Variants in PHTF2 observed in about 807,000 individuals in gnomAD.
PHTF2 encodes protein PHTF2.
A neutral mutation model predicts 101.2 loss-of-function variants in PHTF2; 60 were observed. The observed-to-expected ratio is 0.59, with a 90% confidence interval of 0.48 to 0.73. PHTF2 has a LOEUF of 0.73. PHTF2 is among the 30% of genes least tolerant of loss of function. The pLI is 0.00. For missense variants in PHTF2, 747 were observed against 908.7 expected, an observed-to-expected ratio of 0.82 and a Z score of 2.29; for synonymous variants, 311 against 307.3, an observed-to-expected ratio of 1.01 and a Z score of -0.13.
intron 16 of PHTF2, among the ~76,000 whole-genome samples, chr7:77,944,840 A>C (rs1435678473): frequency 1.3e-5 from 2 of 151,742 alleles, no homozygotes; most frequent in African/African-American, 4.8e-5. Context: ...TTGACTTTTG[A>C]CTTGTTTTTT....
intron 7 of PHTF2, among the ~76,000 whole-genome samples, chr7:77,905,258 C>T (rs55975440): frequency 7.9e-5 from 12 of 152,156 alleles, no homozygotes; most frequent in Non-Finnish European, 1.6e-4. Flanking sequence ...TAGGGTTTTG[C>T]TTTGTTGCTC....
intron 1 of PHTF2, among the ~76,000 whole-genome samples, chr7:77,828,172 G>T (rs1359311834): frequency 6.6e-6 from 1 of 152,190 alleles, no homozygotes; most frequent in Non-Finnish European, 1.5e-5. Context: ...TGATAGGTTG[G>T]TGGTAAAACT....
chr7:77,868,909 A>G (rs1311264053), intron 3 of PHTF2, among the ~76,000 whole-genome samples: 1 of 152,232 alleles, frequency 6.6e-6, no homozygotes. Flanking sequence ...TAAAATAAAT[A>G]TTCCCTTTCA....
Position 77,950,049 on chromosome 7 carries a change from T to A in PHTF2, c.2115+216T>A, listed in dbSNP as rs546721543. ...GCTTTTTTAATGTCCCATTTTTATTTGACAAGAAGGAAGTACCATTTGTTA... is the reference window on the plus strand; with the variant it reads ...GCTTTTTTAATGTCCCATTTTTATTAGACAAGAAGGAAGTACCATTTGTTA... On this transcript the variant is annotated intron_variant, in intron 17 of 19. Transcript: ENST00000416283. 2.0e-5 allele frequency among the ~76,000 whole-genome samples: 3 copies of A among 152,340 alleles called. No individual in the cohort carries two copies. In the South Asian group the frequency reaches 6.2e-4, roughly 32 times the overall value.
intron 9 of PHTF2, among the ~76,000 whole-genome samples, 188 bp downstream of exon 8, chr7:77,910,597 A>G (rs985550937): frequency 1.3e-5 from 2 of 152,238 alleles, no homozygotes; most frequent in Non-Finnish European, 2.9e-5. Flanking sequence ...GCTCATGTGT[A>G]CATACATCTA....
intron 2 of PHTF2, among the ~76,000 whole-genome samples, chr7:77,851,599 A>ATT (rs199811713): frequency 3.4e-4 from 43 of 128,242 alleles, no homozygotes; most frequent in African/African-American, 1.1e-3. Flanking sequence ...TTCTGCTCTG[A>ATT]TTTTTTTTTT....
In PHTF2 at chr7:77,836,374, C is replaced by A. The variant is rs1795474660; in HGVS notation, c.-35-3847C>A. ...AAATCCACATGTAAGCGGACCAGCG[C>A]AGCTTACCCACCATGTTGTTCAACT... On this transcript the variant is annotated intron_variant, in intron 1 of 19. Transcript: ENST00000416283. Among the ~76,000 whole-genome samples the A allele has an allele frequency of 2.0e-5, 3 of 152,254 alleles. No homozygotes were observed. In the South Asian group the frequency reaches 6.2e-4, roughly 32 times the overall value.
Position 77,948,401 on chromosome 7 carries a change from A to G in PHTF2, c.1960-1277A>G, listed in dbSNP as rs138012075. Among the ~76,000 whole-genome samples, 1,016 of 152,262 alleles carry G rather than the reference A, an allele frequency of 6.7e-3. 4 individuals are homozygous for G. The highest frequency in any genetic ancestry group is 0.023 in the African/African-American group (947 of 41,520). On this transcript the variant is annotated intron_variant, in intron 16 of 19. Transcript: ENST00000416283. Reference sequence around the variant, plus strand: ...AACCAAATGACTTCATGCTATACATAAAAATAAATTCTAGGTGGATTAAAG... The same window carrying G: ...AACCAAATGACTTCATGCTATACATGAAAATAAATTCTAGGTGGATTAAAG...
At chr7:77,951,774 T>C in intron 18 of PHTF2, 62 bp downstream of exon 17, 1 of 738,750 alleles carries the variant, frequency 1.4e-6, no homozygotes, top group Non-Finnish European at 2.2e-6. Context: ...AATTTTATTT[T>C]TTTGTTTATA....
At chr7:77,856,851 AT>A (rs1449566998) in intron 3 of PHTF2, among the ~76,000 whole-genome samples, 2 of 152,180 alleles carry the variant, frequency 1.3e-5, no homozygotes, top group African/African-American at 4.8e-5. Flanking sequence ...GGACTTGAGC[AT>A]TCATGGATTT....
rs774330191 is a variant in PHTF2, at chr7:77,940,243, G to A, written c.1681G>A (p.Val561Met). Reference sequence around the variant, plus strand: ...GGTTATAATAAGTTTTGTGGTTCGCGTGTCTCTTGTGTGGATTTTCTTTTT... The same window carrying A: ...GGTTATAATAAGTTTTGTGGTTCGCATGTCTCTTGTGTGGATTTTCTTTTT... The change falls in exon 14 of 20, where the codon GTG (valine) becomes ATG (methionine). Residue 561 changes from valine (V) to methionine (M), a missense_variant. Val to Met is a conservative substitution (Grantham distance 21, BLOSUM62 1). This residue lies in a region of PHTF2 where 188 missense variants were observed against 286.5 expected (regional missense o/e 0.66). Coordinates refer to ENST00000416283, the Ensembl canonical transcript of PHTF2. 8.7e-6 allele frequency: 14 copies of A among 1,613,588 alleles called. No homozygotes were observed. The African/African-American group carries it at 1.1e-4, about 12-fold the overall frequency.
intron 7 of PHTF2, among the ~76,000 whole-genome samples, 160 bp from the exon 7 acceptor site, chr7:77,908,633 A>G (rs1048605393): frequency 6.6e-6 from 1 of 152,236 alleles, no homozygotes; most frequent in Non-Finnish European, 1.5e-5. Context: ...GCGGCAGACA[A>G]TAAAACAGTC....
intron 3 of PHTF2, among the ~76,000 whole-genome samples, chr7:77,885,489 G>A (rs1026901418): frequency 3.3e-5 from 5 of 151,998 alleles, no homozygotes; most frequent in Non-Finnish European, 7.4e-5. Context: ...CTGTCACCCA[G>A]GCTAGAGTGC....
At chr7:77,871,244 G>A (rs556015090) in intron 3 of PHTF2, among the ~76,000 whole-genome samples, 1 of 152,174 alleles carries the variant, frequency 6.6e-6, no homozygotes, top group Admixed American at 6.5e-5. Context: ...ACGGCATGGT[G>A]ATATTAAGAG....
chr7:77,858,219 A>G (rs889858283), intron 3 of PHTF2, among the ~76,000 whole-genome samples: 1 of 152,220 alleles, frequency 6.6e-6, no homozygotes, highest in Non-Finnish European at 1.5e-5. Context: ...CTTTTCACTT[A>G]GGATTTTTCT....
intron 3 of PHTF2, among the ~76,000 whole-genome samples, chr7:77,859,860 C>T (rs1326232262): frequency 6.6e-6 from 1 of 152,186 alleles, no homozygotes; most frequent in African/African-American, 2.4e-5. Context: ...CAAGTGTGAG[C>T]CACCATGCCT....
At chr7:77,921,032 C>G (rs533095902) in intron 10 of PHTF2, among the ~76,000 whole-genome samples, 60 of 152,210 alleles carry the variant, frequency 3.9e-4, no homozygotes, top group African/African-American at 1.3e-3. Context: ...GTTTGTTAAG[C>G]CTTACTTTTT....
chr7:77,929,040 C>G, intron 11 of PHTF2, 69 bp from the exon 11 acceptor site: 2 of 1,141,410 alleles, frequency 1.8e-6, no homozygotes, highest in Non-Finnish European at 2.6e-6. Context: ...TATATGGGTT[C>G]TGATAGTATC....
chr7:77,848,716 T>A (rs1236190867), intron 2 of PHTF2, among the ~76,000 whole-genome samples: 2 of 152,180 alleles, frequency 1.3e-5, no homozygotes, highest in African/African-American at 4.8e-5. Flanking sequence ...TTGGTGTAAT[T>A]GCATTTGTCC....
Sources: allele counts gnomAD v4.1 joint callset (sites outside exome capture counted in the v4.1 genomes callset), GRCh38; gene constraint gnomAD v4.1.1; regional missense constraint gnomAD v4.1.1; transcripts MANE v1.5; gene names NCBI Gene and HGNC (gene_info 2026-07-23, HGNC 2026-07-21).